Variants in DLGAP2 observed in about 807,000 individuals in gnomAD.
The protein encoded by DLGAP2 is DLG associated protein 2, also known as disks large-associated protein 2.
A neutral mutation model predicts 100.3 loss-of-function variants in DLGAP2; 26 were observed. The ratio of observed to expected loss-of-function variants is 0.26; its 90% CI spans 0.19 to 0.36. DLGAP2 has a LOEUF of 0.36. Among genes scored for constraint, DLGAP2 ranks in the 10% least tolerant of loss-of-function variants. DLGAP2 has a pLI of 1.00. For synonymous variants in DLGAP2, 886 were observed against 630.1 expected, an observed-to-expected ratio of 1.41 and a Z score of -6.08; for missense variants, 1,858 against 1,453.2, an observed-to-expected ratio of 1.28 and a Z score of -4.53.
chr8:821,042 C>T (rs1331312712), intron 1 of DLGAP2, among the ~76,000 whole-genome samples: 1 of 152,160 alleles, frequency 6.6e-6, no homozygotes, highest in Non-Finnish European at 1.5e-5. Context: ...TAACTGCTTA[C>T]AGGAAACCAA....
intron 4 of DLGAP2, among the ~76,000 whole-genome samples, chr8:1,529,011 T>C (rs1473825784): frequency 1.3e-5 from 2 of 152,362 alleles, no homozygotes; most frequent in African/African-American, 4.8e-5. Context: ...TATAAAATTA[T>C]AGTGGCTAAA....
At chr8:1,177,359 T>A (rs1449242456) in intron 2 of DLGAP2, among the ~76,000 whole-genome samples, 1 of 152,102 alleles carries the variant, frequency 6.6e-6, no homozygotes. Flanking sequence ...TTTTATCAGG[T>A]TTACCAGATC....
intron 3 of DLGAP2, among the ~76,000 whole-genome samples, chr8:1,270,218 A>T (rs1211927044): frequency 2.0e-5 from 3 of 152,140 alleles, no homozygotes; most frequent in Non-Finnish European, 4.4e-5. Context: ...CATGGGATTG[A>T]GAATATGAGA....
intron 2 of DLGAP2, among the ~76,000 whole-genome samples, chr8:1,175,316 C>T (rs867230260): frequency 1.7e-4 from 26 of 151,972 alleles, no homozygotes; most frequent in African/African-American, 4.8e-4. Flanking sequence ...AATACATGTA[C>T]GTGTGGGCTT....
chr8:1,619,658 C>G (rs574836268), intron 6 of DLGAP2: 1 of 152,334 alleles, frequency 6.6e-6, no homozygotes, highest in Non-Finnish European at 1.5e-5. Context: ...TAAGTAAGTG[C>G]TCACCATGTA....
intron 3 of DLGAP2, among the ~76,000 whole-genome samples, chr8:1,346,680 AG>A (rs1801566086): frequency 7.6e-6 from 1 of 131,582 alleles, no homozygotes; most frequent in African/African-American, 2.9e-5. Flanking sequence ...GTTCCCATAC[AG>A]AGCTGCTTTA....
At chr8:1,414,035 G>C (rs1003043913) in intron 3 of DLGAP2, among the ~76,000 whole-genome samples, 1 of 152,226 alleles carries the variant, frequency 6.6e-6, no homozygotes, top group South Asian at 2.1e-4. Flanking sequence ...TGGACACTTA[G>C]TGACATGCCT....
intron 2 of DLGAP2, among the ~76,000 whole-genome samples, chr8:1,060,414 G>A (rs553669792): frequency 1.0e-3 from 158 of 151,634 alleles, no homozygotes; most frequent in African/African-American, 3.6e-3. Context: ...TGGTCCCTCC[G>A]CTGTGTCCTT....
intron 1 of DLGAP2, among the ~76,000 whole-genome samples, chr8:781,378 G>T (rs1368331433): frequency 6.6e-6 from 1 of 151,878 alleles, no homozygotes; most frequent in African/African-American, 2.4e-5. Context: ...TCATGGAAGG[G>T]TTAGGAACAT....
chr8:1,376,644 A>T (rs963012306), intron 3 of DLGAP2, among the ~76,000 whole-genome samples: 1 of 152,088 alleles, frequency 6.6e-6, no homozygotes, highest in Non-Finnish European at 1.5e-5. Flanking sequence ...AGGGCTGCCA[A>T]GACCCTCACT....
At chr8:827,318 A>AT (rs1211539774) in intron 1 of DLGAP2, among the ~76,000 whole-genome samples, 3 of 152,132 alleles carry the variant, frequency 2.0e-5, no homozygotes, top group South Asian at 4.1e-4. Flanking sequence ...CAATGTGAGG[A>AT]TTTTTCATGG....
rs550930373 is a variant in DLGAP2 at position 814,446 on chromosome 8, A to C, written c.18+76621A>C. Among the ~76,000 whole-genome samples, 47 of 152,284 alleles carry C rather than the reference A, an allele frequency of 3.1e-4. 1 individual carries two copies. The South Asian group carries it at 9.1e-3, about 30-fold the overall frequency. On this transcript the variant is annotated intron_variant, in intron 1 of 14. Transcript: ENST00000637795. The stretch of plus-strand genomic sequence containing the variant: ...TGCCCATTAGGAAACAGGCATGGAG[A>C]CTTTATGTAACTATGTCCTGAGGAT...
In DLGAP2 at chr8:1,708,400, T is replaced by A. The variant is rs1385847972; in HGVS notation, c.*6994T>A. 6.6e-6 allele frequency: 1 copy of A among 152,218 alleles called. No individual in the cohort carries two copies. The highest frequency in any genetic ancestry group is 1.5e-5 in the Non-Finnish European group (1 of 68,038). The allele number at this position is 152,218 out of a possible 1,614,324, so 9.4% of individuals were successfully genotyped here. A position where few individuals can be genotyped will look rare whatever the true frequency, so the allele number is the denominator to read the frequency against. ...AAGAAGTAATGGACATTTATTAAGG[T>A]TACAGATTTAATATGTATGCAAAAT... is the stretch of plus-strand genomic sequence containing the variant. On this transcript the variant is annotated 3_prime_UTR_variant, in exon 15 of 15. Transcript: ENST00000637795.
chr8:796,184 T>C (rs1796033156), intron 1 of DLGAP2, among the ~76,000 whole-genome samples: 1 of 152,102 alleles, frequency 6.6e-6, no homozygotes, highest in Non-Finnish European at 1.5e-5. Flanking sequence ...AGGTGTCCAG[T>C]GTGAGCACAG....
In DLGAP2 at chr8:1,145,129, G is replaced by A. The variant is rs537719586; in HGVS notation, c.74-113722G>A. ...CATTTATTTCCTGTAGCTTCTGGAGGTGGCCAGGAGGATGGAGACAGACAA... is the reference window on the plus strand; with the variant it reads ...CATTTATTTCCTGTAGCTTCTGGAGATGGCCAGGAGGATGGAGACAGACAA... On this transcript the variant is annotated intron_variant, in intron 2 of 14. Transcript: ENST00000637795. 2.0e-5 allele frequency among the ~76,000 whole-genome samples: 3 copies of A among 152,312 alleles called. No homozygotes were observed. The South Asian group carries it at 6.2e-4, about 32-fold the overall frequency.
intron 2 of DLGAP2, among the ~76,000 whole-genome samples, chr8:1,139,655 A>G (rs566326898): frequency 2.6e-5 from 4 of 152,304 alleles, no homozygotes; most frequent in African/African-American, 7.2e-5. Flanking sequence ...CATGAAGCCC[A>G]GGGAGACACT....
At chr8:1,585,237 C>CTT (rs1796080438) in intron 6 of DLGAP2, among the ~76,000 whole-genome samples, 2 of 152,138 alleles carry the variant, frequency 1.3e-5, no homozygotes, top group East Asian at 1.9e-4. Flanking sequence ...CGGAGGCGGG[C>CTT]AGATCACTTG....
intron 6 of DLGAP2, among the ~76,000 whole-genome samples, chr8:1,622,708 A>C (rs1797377391): frequency 6.6e-6 from 1 of 152,228 alleles, no homozygotes; most frequent in African/African-American, 2.4e-5. Flanking sequence ...TATTCTAGAA[A>C]ACTTTTCACT....
At chr8:1,669,628 CG>C (rs1373465158) in intron 9 of DLGAP2, 114 bp from the exon 10 acceptor site, 1 of 746,688 alleles carries the variant, frequency 1.3e-6, no homozygotes, top group Non-Finnish European at 2.5e-6. Flanking sequence ...TGCTGAGAGC[CG>C]GGCCCGTGCG....
Sources: allele counts gnomAD v4.1 joint callset (sites outside exome capture counted in the v4.1 genomes callset), GRCh38; gene constraint gnomAD v4.1.1; transcripts MANE v1.5; gene names NCBI Gene and HGNC (gene_info 2026-07-23, HGNC 2026-07-21).